Variants in ANKZF1 observed in about 807,000 individuals in gnomAD.
ANKZF1 encodes the protein tRNA endonuclease ANKZF1.
Under a neutral mutation model 86.0 loss-of-function variants are expected in ANKZF1, and 84 were observed. That is an observed-to-expected ratio of 0.98 (90% CI 0.82 to 1.17). The LOEUF is 1.17. ANKZF1 is among the 50% of genes most tolerant of loss of function. The probability of loss-of-function intolerance (pLI) is 0.00; values close to 1 mark genes in which losing one functional copy is unlikely to be tolerated. For synonymous variants in ANKZF1, 331 were observed against 354.2 expected (o/e 0.93, Z 0.74); for missense variants, 893 against 918.4 (o/e 0.97, Z 0.36).
intron 7 of ANKZF1, 64 bp from the exon 8 acceptor site, chr2:219,233,651 T>G (rs1951113397): frequency 1.3e-6 from 2 of 1,527,126 alleles, no homozygotes; most frequent in Non-Finnish European, 1.8e-6. Flanking sequence ...GGGCCATTTT[T>G]TTTAGTTGGA....
chr2:219,230,626 C>T (rs1951005822), intron 2 of ANKZF1: 2 of 447,532 alleles, frequency 4.5e-6, no homozygotes, highest in South Asian at 5.7e-5. Flanking sequence ...AACACCATTC[C>T]CTTCAAAAAC....
intron 4 of ANKZF1, 62 bp downstream of exon 4, chr2:219,232,424 T>TTA (rs1385458069): frequency 6.2e-7 from 1 of 1,611,056 alleles, no homozygotes; most frequent in Non-Finnish European, 8.5e-7. Context: ...AAGCACTAGT[T>TTA]TAGAGTTTGA....
chr2:219,232,478 G>T lies in ANKZF1; in HGVS notation c.365-12G>T. ...GTACCAAACTTGTGTATCTCATATT[G>T]TCTGTCTTCAGGAGATCTTTCCAGC... On this transcript the variant is annotated splice_polypyrimidine_tract_variant and intron_variant, in intron 4 of 13. Transcript: ENST00000323348. The T allele has an allele frequency of 2.5e-6, 4 of 1,613,788 alleles. No individual in the cohort carries two copies. Among genetic ancestry groups the T allele is most frequent in the Admixed American group, 1.7e-5 (1 of 59,974 alleles).
At chr2:219,234,466 T>C (rs537274222) in intron 9 of ANKZF1, 178 bp downstream of exon 9, 10 of 844,210 alleles carry the variant, frequency 1.2e-5, no homozygotes, top group East Asian at 2.5e-5. Context: ...TCTTTTGTTA[T>C]GGATGTTTCC....
At position 219,235,171 on chromosome 2, in the gene ANKZF1, G is replaced by T; in HGVS notation, c.1550G>T (p.Ser517Ile). 2 of 1,614,158 alleles carry T rather than the reference G, an allele frequency of 1.2e-6. No homozygotes were observed. Among genetic ancestry groups the T allele is most frequent in the Non-Finnish European group, 1.7e-6 (2 of 1,180,040 alleles). Residue 517 changes from serine (S) to isoleucine (I), a missense_variant, in exon 10 of 14, where the codon AGC (serine) becomes ATC (isoleucine). Ser to Ile is a moderately radical substitution (Grantham distance 142). Transcript: ENST00000323348. ...VGVLKLQLAP[S>I]PADPRVLSLL... The stretch of plus-strand genomic sequence containing the variant: ...GTGCTAAAGCTGCAGCTAGCTCCCA[G>T]CCCTGCAGACCCTAGAGTTCTGTCT...
At chr2:219,231,835 C>T in intron 2 of ANKZF1, 93 bp from the exon 3 acceptor site, 2 of 1,032,696 alleles carry the variant, frequency 1.9e-6, no homozygotes, top group Non-Finnish European at 3.0e-6. Flanking sequence ...CTTTTGTATC[C>T]TCCTCTGCTT....
At position 219,235,072 on chromosome 2, in the gene ANKZF1, A is replaced by G; in HGVS notation, c.1451A>G (p.Asp484Gly). 6.2e-7 allele frequency: 1 copy of G among 1,614,192 alleles called. No individual in the cohort carries two copies. Among genetic ancestry groups the G allele is most frequent in the South Asian group, 1.1e-5 (1 of 91,086 alleles). ...GCTGCCCCCTTGGGCCCTTTGCTGG[A>G]TGAGGCCAAAGCCCCTGGTCAGCCA... ...AVAAPLGPLL[D>G]EAKAPGQPEL... Residue 484 changes from aspartate to glycine, a missense_variant, in exon 10 of 14, where the codon GAT (aspartate) becomes GGT (glycine). By Grantham distance (94) the Asp-to-Gly change is moderately conservative. Transcript: ENST00000323348.
chr2:219,233,331 G>T lies in ANKZF1; in HGVS notation c.717G>T (p.Arg239=), dbSNP rs1304715928. The T allele has an allele frequency of 6.2e-7, 1 of 1,614,250 alleles. No homozygotes were observed. The highest frequency in any genetic ancestry group is 1.1e-5 in the South Asian group (1 of 91,086). The stretch of plus-strand genomic sequence containing the variant: ...AAACTTTTCACCGCTATACGGTTCG[G>T]GCCAAGCGGGGCACAGCCCAGGGGC... The part of the protein sequence containing the change: ...THKTFHRYTV[R]AKRGTAQGLR... The change falls in exon 7 of 14, where the codon CGG becomes CGT. Residue 239 remains arginine, a synonymous_variant. Coordinates refer to ENST00000323348, the MANE Select transcript of ANKZF1 (RefSeq NM_018089.3).
In ANKZF1 at chr2:219,234,563, G is replaced by A. The variant is rs570850252; in HGVS notation, c.1205-263G>A. The A allele has an allele frequency of 1.5e-5, 10 of 648,892 alleles. No individual in the cohort carries two copies. The South Asian group carries it at 2.0e-4, about 13-fold the overall frequency. 40.2% of individuals were successfully genotyped at this position (648,892 alleles called of 1,614,324 possible). A position where few individuals can be genotyped will look rare whatever the true frequency, so the allele number is the denominator to read the frequency against. ...AGTTTATCTTTGATTGGATGCTGTG[G>A]TTTGAGGCTGAGGGCTGCTTCCATG... On this transcript the variant is annotated intron_variant, in intron 9 of 13. Coordinates refer to ENST00000323348, the MANE Select transcript of ANKZF1 (RefSeq NM_018089.3).
At chr2:219,236,269 G>C (rs1319864464) in intron 13 of ANKZF1, 53 bp from the exon 14 acceptor site, 1 of 1,612,428 alleles carries the variant, frequency 6.2e-7, no homozygotes, top group African/African-American at 1.3e-5. Flanking sequence ...GGAGAGCGTG[G>C]ATTGGAAAGT....
rs185752150 is a variant in ANKZF1, at chr2:219,234,864, T to C, written c.1243T>C (p.Leu415=). ...SEGEDGFQVE[L]ELVELTVGTL... ...GGGAGAAGATGGCTTTCAGGTAGAGTTGGAGCTAGTGGAGTTGACTGTGGG... is the reference window on the plus strand; with the variant it reads ...GGGAGAAGATGGCTTTCAGGTAGAGCTGGAGCTAGTGGAGTTGACTGTGGG... Residue 415 remains leucine (L), a synonymous_variant, in exon 10 of 14, where the codon TTG becomes CTG. Coordinates refer to ENST00000323348, the MANE Select transcript of ANKZF1 (RefSeq NM_018089.3). 6.2e-7 allele frequency: 1 copy of C among 1,613,614 alleles called. No homozygotes were observed. Among genetic ancestry groups the C allele is most frequent in the Non-Finnish European group, 8.5e-7 (1 of 1,179,794 alleles).
At chr2:219,231,694 AATTTT>A (rs1241352154) in intron 2 of ANKZF1, 11 of 435,506 alleles carry the variant, frequency 2.5e-5, no homozygotes, top group East Asian at 9.3e-5. Flanking sequence ...GCACCTGGCC[AATTTT>A]ATTTTATTTA....
chr2:219,232,065 A>G (rs1951056787), intron 3 of ANKZF1, 25 bp downstream of exon 3: 1 of 1,568,642 alleles, frequency 6.4e-7, no homozygotes, highest in East Asian at 2.2e-5. Context: ...GCAGAGCTAG[A>G]TGTTAGAAGC....
rs867693339 is a variant in ANKZF1, at chr2:219,235,343, T to G, written c.1691+31T>G. 4 of 1,600,156 alleles carry G rather than the reference T, an allele frequency of 2.5e-6. 1 individual carries two copies. In the Middle Eastern group the frequency reaches 7.0e-4, roughly 280 times the overall value. ...TAAAGGTCCCCATCCTGAGTCATTT[T>G]GGGTATAGAGAGGATAATTTGGAGG... On this transcript the variant is annotated intron_variant, in intron 10 of 13. Coordinates refer to ENST00000323348, the MANE Select transcript of ANKZF1 (RefSeq NM_018089.3).
Position 219,233,827 on chromosome 2 carries a change from G to GA in ANKZF1, c.933dup (p.Ala312SerfsTer31). 1.2e-6 allele frequency: 2 copies of GA among 1,614,126 alleles called. No homozygotes were observed. The highest frequency in any genetic ancestry group is 1.7e-6 in the Non-Finnish European group (2 of 1,179,994). ...CGGTCTTTGTTCTTTGGAGGCAAGG[G>GA]AGCACCCCTGCAAAGGGGGGATCCC... On this transcript the variant is annotated frameshift_variant, in exon 8 of 14. Transcript: ENST00000323348. LOFTEE classifies it high-confidence loss of function.
chr2:219,235,490 C>T lies in ANKZF1; in HGVS notation c.1708C>T (p.Pro570Ser), dbSNP rs77280560. The T allele has an allele frequency of 2.0e-3, 3,294 of 1,613,896 alleles. 56 individuals are homozygous for T. In the African/African-American group the frequency reaches 0.038, roughly 18 times the overall value. The change falls in exon 11 of 14, where the codon CCA (proline) becomes TCA (serine). Residue 570 changes from proline to serine, a missense_variant. Coordinates refer to ENST00000323348, the MANE Select transcript of ANKZF1 (RefSeq NM_018089.3). ...DPTVQDSRAR[P>S]PYTVAADKST... is the part of the protein sequence containing the mutation. ...TGCACCTAGGGACTCTCGGGCCCGG[C>T]CACCTTATACTGTTGCGGCTGACAA...
chr2:219,230,202 T>C, intron 1 of ANKZF1, 26 bp from the exon 2 acceptor site: 1 of 1,584,786 alleles, frequency 6.3e-7, no homozygotes, highest in Middle Eastern at 2.1e-4. Context: ...GCAGGAGCCC[T>C]GTTTCTTACA....
At chr2:219,233,497 C>G (rs900948366) in intron 7 of ANKZF1, 64 bp downstream of exon 7, 2 of 1,504,788 alleles carry the variant, frequency 1.3e-6, no homozygotes, top group Admixed American at 4.7e-5. Context: ...CTGTTCAACT[C>G]ACTGTTAAGT....
intron 9 of ANKZF1, 190 bp downstream of exon 9, chr2:219,234,478 C>T: frequency 1.3e-6 from 1 of 780,992 alleles, no homozygotes; most frequent in East Asian, 2.5e-5. Flanking sequence ...GATGTTTCCC[C>T]AGAGCTAAGA....
Sources: allele counts gnomAD v4.1 joint callset, GRCh38; gene constraint gnomAD v4.1.1; transcripts MANE v1.5; gene names NCBI Gene and HGNC (gene_info 2026-07-23, HGNC 2026-07-21).